Variants in DIS3L2 observed in about 807,000 individuals in gnomAD.
The protein encoded by DIS3L2 is DIS3 like 3'-5' exoribonuclease 2.
A neutral mutation model predicts 97.5 loss-of-function variants in DIS3L2; 34 were observed. That is an observed-to-expected ratio of 0.35 (90% CI 0.27 to 0.46). The LOEUF (loss-of-function observed/expected upper bound fraction) is 0.46, where lower values mean the gene tolerates loss of function less well. DIS3L2 is among the 20% of genes least tolerant of loss of function. The probability of loss-of-function intolerance (pLI) is 1.00; values close to 1 mark genes in which losing one functional copy is unlikely to be tolerated. For missense variants in DIS3L2, 1,038 were observed against 1,146.0 expected (o/e 0.91, Z 1.36); for synonymous variants, 435 against 445.2 (o/e 0.98, Z 0.29).
intron 1 of DIS3L2, among the ~76,000 whole-genome samples, chr2:231,994,848 T>A (rs558533676): frequency 4.1e-4 from 61 of 150,318 alleles, no homozygotes; most frequent in African/African-American, 1.5e-3. Context: ...GGTCTCACTC[T>A]GTCACCCAGG....
chr2:232,183,088 G>A (rs1292606914), intron 9 of DIS3L2, among the ~76,000 whole-genome samples: 2 of 152,154 alleles, frequency 1.3e-5, no homozygotes, highest in Admixed American at 6.5e-5. Flanking sequence ...AGAAGCATGA[G>A]AAAGAAACCT....
chr2:232,100,297 A>G (rs942489535), intron 6 of DIS3L2, among the ~76,000 whole-genome samples: 21 of 150,944 alleles, frequency 1.4e-4, no homozygotes, highest in African/African-American at 2.4e-5. Flanking sequence ...TTGGCCTTCC[A>G]AAGGGTTGGG....
intron 9 of DIS3L2, chr2:232,172,876 CTG>C (rs1371194773): frequency 1.3e-5 from 6 of 453,206 alleles, no homozygotes; most frequent in Non-Finnish European, 2.2e-5. Flanking sequence ...ACTAATGAGA[CTG>C]AATGTATTTT....
rs866531431 is a variant in DIS3L2 at position 232,086,677 on chromosome 2, G to A, written c.367-810G>A. On this transcript the variant is annotated intron_variant, in intron 5 of 20. Transcript: ENST00000325385. The stretch of plus-strand genomic sequence containing the variant: ...TATATATATGTGTGTGTGTGTGTGT[G>A]TATATATATATTTTTTGAGACAGAG... 7.3e-3 allele frequency among the ~76,000 whole-genome samples: 397 copies of A among 54,412 alleles called. 9 individuals are homozygous for A. Among genetic ancestry groups the A allele is most frequent in the African/African-American group, 0.024 (352 of 14,448 alleles). The allele number at this position is 54,412 out of a possible 152,430, so 35.7% of individuals were successfully genotyped here.
chr2:231,995,613 A>G (rs73995038), intron 1 of DIS3L2, among the ~76,000 whole-genome samples: 10,642 of 152,180 alleles, frequency 0.07, 1,187 homozygotes, highest in East Asian at 0.51. Context: ...CACTCTTGAT[A>G]CTAACACCAG....
chr2:231,966,345 T>C (rs1397926668), intron 1 of DIS3L2, among the ~76,000 whole-genome samples: 1 of 152,060 alleles, frequency 6.6e-6, no homozygotes, highest in Non-Finnish European at 1.5e-5. Flanking sequence ...ATTTTTTGTA[T>C]TTTAAGTAGA....
intron 1 of DIS3L2, among the ~76,000 whole-genome samples, chr2:232,006,387 A>G (rs565310321): frequency 2.0e-5 from 3 of 152,278 alleles, no homozygotes; most frequent in African/African-American, 7.2e-5. Flanking sequence ...TCTACTTAGG[A>G]CTCATTTTGA....
At chr2:232,181,314 A>G (rs1248930244) in intron 9 of DIS3L2, among the ~76,000 whole-genome samples, 1 of 152,030 alleles carries the variant, frequency 6.6e-6, no homozygotes, top group African/African-American at 2.4e-5. Context: ...CTCGAGGAGT[A>G]TCTTTGTGGC....
intron 4 of DIS3L2, among the ~76,000 whole-genome samples, chr2:232,029,348 A>G (rs886202654): frequency 3.9e-5 from 6 of 152,196 alleles, no homozygotes; most frequent in African/African-American, 1.4e-4. Flanking sequence ...TTTATTTAAA[A>G]TTACAAAGTA....
intron 10 of DIS3L2, among the ~76,000 whole-genome samples, chr2:232,213,286 T>A (rs1692238050): frequency 6.6e-6 from 1 of 152,206 alleles, no homozygotes; most frequent in African/African-American, 2.4e-5. Flanking sequence ...GGCCGCTCAG[T>A]AGCCTACTGC....
At chr2:232,208,890 T>C (rs1366967462) in intron 9 of DIS3L2, among the ~76,000 whole-genome samples, 1 of 151,946 alleles carries the variant, frequency 6.6e-6, no homozygotes, top group African/African-American at 2.4e-5. Flanking sequence ...TACTCCAGTG[T>C]GGTGGCATGC....
intron 14 of DIS3L2, among the ~76,000 whole-genome samples, chr2:232,308,681 C>T (rs186269092): frequency 1.5e-3 from 230 of 152,286 alleles, no homozygotes; most frequent in Non-Finnish European, 2.5e-3. Context: ...CATCCTCTCC[C>T]CAGCCCACAG....
chr2:232,157,786 G>A (rs1212886652), intron 8 of DIS3L2, among the ~76,000 whole-genome samples: 2 of 152,200 alleles, frequency 1.3e-5, no homozygotes, highest in Admixed American at 6.5e-5. Context: ...ATTCAGGTCA[G>A]CATTAGTGAG....
chr2:232,331,030 CCTGGAGCTGAGGGGCTA>C (rs1264945664), intron 16 of DIS3L2, among the ~76,000 whole-genome samples: 4 of 152,216 alleles, frequency 2.6e-5, no homozygotes, highest in Non-Finnish European at 2.9e-5. Context: ...GACAGAGTGC[CCTGGAGCTGAGGGGCTA>C]CTGAGACCTC....
chr2:232,116,082 G>A (rs1432512707), intron 6 of DIS3L2, among the ~76,000 whole-genome samples: 2 of 151,578 alleles, frequency 1.3e-5, no homozygotes, highest in Non-Finnish European at 2.9e-5. Flanking sequence ...TGAGACACAG[G>A]AATCACTTGA....
intron 9 of DIS3L2, among the ~76,000 whole-genome samples, chr2:232,166,961 C>G (rs1690842009): frequency 6.6e-6 from 1 of 151,234 alleles, no homozygotes; most frequent in Admixed American, 6.6e-5. Flanking sequence ...GCAGAGGTTG[C>G]AGCAAGCTGA....
intron 9 of DIS3L2, among the ~76,000 whole-genome samples, chr2:232,167,313 G>A (rs1690852997): frequency 6.6e-6 from 1 of 152,030 alleles, no homozygotes; most frequent in South Asian, 2.1e-4. Flanking sequence ...AAATAAAAAT[G>A]TAATGAGAAA....
At chr2:232,278,899 A>G (rs779620669) in intron 13 of DIS3L2, among the ~76,000 whole-genome samples, 5 of 152,208 alleles carry the variant, frequency 3.3e-5, no homozygotes, top group Non-Finnish European at 4.4e-5. Context: ...CAAAGTGACT[A>G]TACCACTTTG....
chr2:232,342,502 C>T (rs924036084), intron 13 of DIS3L2, among the ~76,000 whole-genome samples: 17 of 152,086 alleles, frequency 1.1e-4, no homozygotes, highest in Admixed American at 9.8e-4. Flanking sequence ...TCACATATAA[C>T]TTGGACAAAA....
Sources: gnomAD v4.1 joint callset for allele counts (sites outside exome capture counted in the v4.1 genomes callset) on GRCh38, gnomAD v4.1.1 for gene constraint, MANE v1.5 for transcripts, NCBI Gene and HGNC (gene_info 2026-07-23, HGNC 2026-07-21) for gene names.